Variants in SLC4A9 observed in about 807,000 individuals in gnomAD.
The protein encoded by SLC4A9 is solute carrier family 4 member 9.
Under a neutral mutation model 103.2 loss-of-function variants are expected in SLC4A9, and 102 were observed. The ratio of observed to expected loss-of-function variants is 0.99; its 90% CI spans 0.84 to 1.17. The LOEUF (loss-of-function observed/expected upper bound fraction) is 1.17. Ranked by LOEUF, SLC4A9 falls within the 50% of genes most tolerant of loss-of-function variation. SLC4A9 has a pLI of 0.00. For synonymous variants in SLC4A9, 453 were observed against 483.6 expected (o/e 0.94, Z 0.83); for missense variants, 1,091 against 1,193.7 (o/e 0.91, Z 1.27).
intron 18 of SLC4A9, 99 bp from the exon 19 acceptor site, chr5:140,371,352 C>T (rs1768694946): frequency 2.7e-6 from 4 of 1,505,360 alleles, no homozygotes; most frequent in South Asian, 2.4e-5. Flanking sequence ...CTGCCATGCT[C>T]TCTGCCTGCT....
At chr5:140,362,845 AG>A (rs1421639842) in intron 6 of SLC4A9, 66 bp from the exon 7 acceptor site, 2 of 1,591,486 alleles carry the variant, frequency 1.3e-6, no homozygotes, top group African/African-American at 1.3e-5. Context: ...TCTAGTTTTG[AG>A]ACTATGAAAA....
intron 6 of SLC4A9, 139 bp from the exon 7 acceptor site, chr5:140,362,773 T>A (rs1767293660): frequency 1.0e-5 from 12 of 1,155,804 alleles, no homozygotes; most frequent in Non-Finnish European, 1.4e-5. Context: ...ACTGAATGAA[T>A]GAATTAATGC....
chr5:140,366,208 C>G lies in SLC4A9; in HGVS notation c.1957C>G (p.Leu653Val). Reference protein sequence around the residue: ...SVLAILLGCGLDAFLGLATPK... With the variant: ...SVLAILLGCGVDAFLGLATPK... The stretch of plus-strand genomic sequence containing the variant: ...CCTGGCCATCCTGCTCGGCTGTGGC[C>G]TTGATGCTTTCCTGGGCCTAGCCAC... The change falls in exon 14 of 22, where the codon CTT becomes GTT. Residue 653 changes from leucine (L) to valine (V), a missense_variant. Leu to Val is a conservative substitution (Grantham distance 32, BLOSUM62 1). Coordinates refer to ENST00000506757, the MANE Select transcript of SLC4A9 (RefSeq NM_031467.3). The G allele has an allele frequency of 8.7e-6, 14 of 1,609,910 alleles. No homozygotes were observed. Among genetic ancestry groups the G allele is most frequent in the Non-Finnish European group, 1.2e-5 (14 of 1,177,880 alleles).
intron 17 of SLC4A9, among the ~76,000 whole-genome samples, chr5:140,369,820 G>A (rs954454138): frequency 1.3e-5 from 2 of 152,008 alleles, no homozygotes; most frequent in Non-Finnish European, 2.9e-5. Context: ...TGTGCAACAT[G>A]GCGAAACCCC....
chr5:140,372,631 G>T, intron 20 of SLC4A9, 114 bp from the exon 21 acceptor site: 2 of 1,445,004 alleles, frequency 1.4e-6, no homozygotes, highest in Non-Finnish European at 1.8e-6. Flanking sequence ...CAAGTGGGCT[G>T]TCTTTCTCAA....
intron 13 of SLC4A9, 51 bp downstream of exon 13, chr5:140,366,073 T>A (rs72798864): frequency 0.017 from 27,236 of 1,610,750 alleles, 257 homozygotes; most frequent in Non-Finnish European, 0.02. Context: ...AAGCTTTGGG[T>A]CCTATCTGTG....
chr5:140,362,049 A>G lies in SLC4A9; in HGVS notation c.594A>G (p.Pro198=). ...ACCCCCTGAGACAGAAGCTACCTCC[A>G]GGAGCTGAGGCAGGGACTGTGCTGG... ...CQNPLRQKLP[P]GAEAGTVLAG... is the part of the protein sequence containing the mutation. Residue 198 remains proline (P), a synonymous_variant, in exon 5 of 22, where the codon CCA becomes CCG. Coordinates refer to ENST00000506757, the MANE Select transcript of SLC4A9 (RefSeq NM_031467.3). The G allele has an allele frequency of 5.0e-6, 8 of 1,606,128 alleles. No individual in the cohort carries two copies. The highest frequency in any genetic ancestry group is 6.8e-6 in the Non-Finnish European group (8 of 1,178,016).
At position 140,363,689 on chromosome 5, in the gene SLC4A9, G is replaced by A; in HGVS notation, c.1080-39G>A. 2 of 1,609,718 alleles carry A rather than the reference G, an allele frequency of 1.2e-6. No individual in the cohort carries two copies. Among genetic ancestry groups the A allele is most frequent in the Non-Finnish European group, 1.7e-6 (2 of 1,177,592 alleles). ...AAAGTAGCGGGGATGCGGGTGTGGAGTGTGAAAACCTGGATCACTGACGAC... is the reference window on the plus strand; with the variant it reads ...AAAGTAGCGGGGATGCGGGTGTGGAATGTGAAAACCTGGATCACTGACGAC... On this transcript the variant is annotated intron_variant, in intron 8 of 21. Coordinates refer to ENST00000506757, the MANE Select transcript of SLC4A9 (RefSeq NM_031467.3). This position sits in a 1 kb window ranked among gnomAD's most constrained non-coding sequence, Gnocchi z 4.5.
chr5:140,366,526 G>T (rs1374354348), intron 14 of SLC4A9, among the ~76,000 whole-genome samples: 1 of 152,130 alleles, frequency 6.6e-6, no homozygotes, highest in Admixed American at 6.5e-5. Flanking sequence ...CCAGCCCTGG[G>T]TTTGAGTTCC....
chr5:140,366,555 C>A (rs978547600), intron 14 of SLC4A9, among the ~76,000 whole-genome samples: 3 of 152,160 alleles, frequency 2.0e-5, no homozygotes, highest in African/African-American at 4.8e-5. Flanking sequence ...CACTTCCCAG[C>A]TATGCATTAG....
chr5:140,373,216 G>A (rs974202868), intron 21 of SLC4A9, among the ~76,000 whole-genome samples: 3 of 152,174 alleles, frequency 2.0e-5, no homozygotes, highest in African/African-American at 7.2e-5. Flanking sequence ...CCCCCCTTAG[G>A]CTGCTGAGAA....
chr5:140,364,605 G>C lies in SLC4A9; in HGVS notation c.1631G>C (p.Cys544Ser). Residue 544 changes from cysteine to serine, a missense_variant, in exon 11 of 22, where the codon TGC (cysteine) becomes TCC (serine). Physicochemically the swap from Cys to Ser is moderately radical, Grantham distance 112 (BLOSUM62 -1). Coordinates refer to ENST00000506757, the MANE Select transcript of SLC4A9 (RefSeq NM_031467.3). ...KPGSSAYGCL[C>S]QYPGPGGNES... ...GGGTCCTCTGCCTACGGGTGCCTCT[G>C]CCAATACCCAGGCCCAGGAGGTGGG... The C allele has an allele frequency of 6.2e-7, 1 of 1,601,252 alleles. No homozygotes were observed. Among genetic ancestry groups the C allele is most frequent in the South Asian group, 1.1e-5 (1 of 88,942 alleles).
chr5:140,366,433 G>GCACT, intron 14 of SLC4A9, among the ~76,000 whole-genome samples, 169 bp downstream of exon 14: 1 of 152,156 alleles, frequency 6.6e-6, no homozygotes, highest in Admixed American at 6.5e-5. Context: ...ATTAAATGAA[G>GCACT]TACTGCAGCA....
intron 17 of SLC4A9, chr5:140,370,874 T>C: frequency 1.8e-6 from 1 of 545,104 alleles, no homozygotes; most frequent in African/African-American, 1.9e-5. Context: ...CCCTCTGAAA[T>C]TCAATTTCCC....
chr5:140,362,286 GCTCAGGGGT>G, intron 5 of SLC4A9, 112 bp downstream of exon 5: 1 of 1,311,852 alleles, frequency 7.6e-7, no homozygotes, highest in East Asian at 2.5e-5. Context: ...GGAGGATGGT[GCTCAGGGGT>G]CTGGGGAGAG....
At chr5:140,366,469 G>T (rs1344427267) in intron 14 of SLC4A9, among the ~76,000 whole-genome samples, 1 of 152,180 alleles carries the variant, frequency 6.6e-6, no homozygotes, top group Non-Finnish European at 1.5e-5. Flanking sequence ...AGAATACACG[G>T]TAGCTATTAT....
At chr5:140,369,398 G>A (rs1025076031) in intron 17 of SLC4A9, among the ~76,000 whole-genome samples, 2 of 152,174 alleles carry the variant, frequency 1.3e-5, no homozygotes, top group African/African-American at 4.8e-5. Flanking sequence ...AGACTGCTAG[G>A]CACTTGGGAG....
At chr5:140,372,644 C>T in intron 20 of SLC4A9, 101 bp from the exon 21 acceptor site, 8 of 1,448,670 alleles carry the variant, frequency 5.5e-6, no homozygotes, top group Non-Finnish European at 7.3e-6. Context: ...TTTCTCAACT[C>T]TGATCTTTGT....
intron 17 of SLC4A9, among the ~76,000 whole-genome samples, chr5:140,370,092 T>C (rs1458794358): frequency 6.6e-6 from 1 of 152,100 alleles, no homozygotes; most frequent in African/African-American, 2.4e-5. Flanking sequence ...CTGTTCTAGG[T>C]ACTGGGGATA....
Sources: allele counts gnomAD v4.1 joint callset (sites outside exome capture counted in the v4.1 genomes callset), GRCh38; gene constraint gnomAD v4.1.1; non-coding constraint Gnocchi (gnomAD v3.1); transcripts MANE v1.5; gene names NCBI Gene and HGNC (gene_info 2026-07-23, HGNC 2026-07-21).